PCDH9: variants seen among roughly 807,000 people sequenced by gnomAD.
PCDH9 encodes protocadherin 9, also known as protocadherin-9.
In PCDH9, 24 loss-of-function variants were observed where a neutral mutation model predicts 70.6. The ratio of observed to expected loss-of-function variants is 0.34; its 90% CI spans 0.25 to 0.48. The LOEUF (loss-of-function observed/expected upper bound fraction) is 0.48. Among genes scored for constraint, PCDH9 ranks in the 20% least tolerant of loss-of-function variants. The probability of loss-of-function intolerance (pLI) is 0.99; values close to 1 mark genes in which losing one functional copy is unlikely to be tolerated. For missense variants in PCDH9, 1,281 were observed against 1,503.6 expected, an observed-to-expected ratio of 0.85 and a Z score of 2.45; for synonymous variants, 562 against 558.5, an observed-to-expected ratio of 1.01 and a Z score of -0.09.
intron 4 of PCDH9, among the ~76,000 whole-genome samples, chr13:66,616,041 A>C (rs576547462): frequency 6.6e-6 from 1 of 152,354 alleles, no homozygotes; most frequent in South Asian, 2.1e-4. Flanking sequence ...CTTGACTTAC[A>C]GAGCCGATAG....
intron 4 of PCDH9, among the ~76,000 whole-genome samples, chr13:66,315,155 GTC>G (rs1955629810): frequency 6.6e-6 from 1 of 152,162 alleles, no homozygotes; most frequent in South Asian, 2.1e-4. Flanking sequence ...CACAACAGGT[GTC>G]TCTGTCCTAC....
chr13:66,711,607 G>A lies in PCDH9; in HGVS notation c.3139-80196C>T, dbSNP rs113768983. 7.5e-4 allele frequency among the ~76,000 whole-genome samples: 114 copies of A among 152,190 alleles called. 1 individual carries two copies. Among genetic ancestry groups the A allele is most frequent in the African/African-American group, 2.6e-3 (110 of 41,546 alleles). On this transcript the variant is annotated intron_variant, in intron 3 of 4. Transcript: ENST00000377865. Reference sequence around the variant, plus strand: ...GTTCATGTTTTACACATAAAAGATCGTAAGACCCAAGAGTGGTAGACATTG... The same window carrying A: ...GTTCATGTTTTACACATAAAAGATCATAAGACCCAAGAGTGGTAGACATTG...
intron 2 of PCDH9, among the ~76,000 whole-genome samples, chr13:67,138,675 C>T (rs541299910): frequency 9.9e-5 from 15 of 152,264 alleles, no homozygotes; most frequent in African/African-American, 1.9e-4. Context: ...CTCAGGCCTG[C>T]GCCCGCATTG....
At chr13:66,616,774 G>A (rs541529300) in intron 4 of PCDH9, among the ~76,000 whole-genome samples, 9 of 152,210 alleles carry the variant, frequency 5.9e-5, no homozygotes, top group Admixed American at 1.3e-4. Flanking sequence ...CCAATTATCT[G>A]AGTGTGTCAC....
intron 4 of PCDH9, among the ~76,000 whole-genome samples, chr13:66,478,428 C>T (rs1003881682): frequency 2.0e-4 from 30 of 152,300 alleles, no homozygotes; most frequent in African/African-American, 6.7e-4. Flanking sequence ...TGCTTACTGA[C>T]AAAAGGCATG....
chr13:66,841,120 A>C (rs1430783633), intron 3 of PCDH9, among the ~76,000 whole-genome samples: 1 of 152,234 alleles, frequency 6.6e-6, no homozygotes, highest in African/African-American at 2.4e-5. Context: ...AAATGTGATT[A>C]AATCTAAGCA....
At chr13:67,177,842 A>G (rs2088505853) in intron 2 of PCDH9, among the ~76,000 whole-genome samples, 1 of 152,084 alleles carries the variant, frequency 6.6e-6, no homozygotes, top group African/African-American at 2.4e-5. Context: ...AATTGAGCCC[A>G]GTGCATATAA....
intron 2 of PCDH9, among the ~76,000 whole-genome samples, chr13:66,953,634 C>T (rs2083220328): frequency 6.6e-6 from 1 of 152,178 alleles, no homozygotes; most frequent in Non-Finnish European, 1.5e-5. Flanking sequence ...TGTCCTACCC[C>T]TGCACCCATT....
intron 2 of PCDH9, among the ~76,000 whole-genome samples, chr13:66,906,837 T>A (rs1488676377): frequency 6.6e-6 from 1 of 151,922 alleles, no homozygotes; most frequent in Non-Finnish European, 1.5e-5. Flanking sequence ...CAGGAAAAAA[T>A]TTAATCACTA....
At chr13:66,987,023 TA>T (rs2083905887) in intron 2 of PCDH9, among the ~76,000 whole-genome samples, 1 of 151,954 alleles carries the variant, frequency 6.6e-6, no homozygotes, top group African/African-American at 2.4e-5. Flanking sequence ...ACTAAACTGT[TA>T]ATTGAGACTA....
chr13:66,980,408 TG>T (rs2083719185), intron 2 of PCDH9, among the ~76,000 whole-genome samples: 1 of 152,162 alleles, frequency 6.6e-6, no homozygotes, highest in African/African-American at 2.4e-5. Context: ...CTACCTAAAA[TG>T]GTTTTTCATC....
intron 4 of PCDH9, among the ~76,000 whole-genome samples, chr13:66,336,986 T>A (rs1452256445): frequency 6.6e-6 from 1 of 152,042 alleles, no homozygotes; most frequent in Non-Finnish European, 1.5e-5. Flanking sequence ...GTTAAATAAT[T>A]AGACAATTTT....
At chr13:66,635,135 C>A (rs1225389154) in intron 3 of PCDH9, among the ~76,000 whole-genome samples, 3 of 152,130 alleles carry the variant, frequency 2.0e-5, no homozygotes, top group African/African-American at 7.2e-5. Context: ...TGAAGAGGGA[C>A]AACACATATT....
chr13:66,982,931 T>G (rs953310276), intron 2 of PCDH9, among the ~76,000 whole-genome samples: 1 of 152,184 alleles, frequency 6.6e-6, no homozygotes, highest in African/African-American at 2.4e-5. Context: ...CATTAGGCCT[T>G]TAAATTTGAA....
intron 3 of PCDH9, among the ~76,000 whole-genome samples, chr13:66,682,139 T>C (rs1243388071): frequency 2.0e-5 from 3 of 151,892 alleles, no homozygotes; most frequent in Non-Finnish European, 2.9e-5. Context: ...TTTCTCATTA[T>C]CTCACTATTG....
intron 2 of PCDH9, among the ~76,000 whole-genome samples, chr13:67,117,973 A>G (rs1464948632): frequency 6.6e-6 from 1 of 152,150 alleles, no homozygotes; most frequent in East Asian, 1.9e-4. Flanking sequence ...TAAAATTTTC[A>G]AAACAGTGTA....
At chr13:66,864,158 G>A (rs986200523) in intron 3 of PCDH9, among the ~76,000 whole-genome samples, 2 of 152,114 alleles carry the variant, frequency 1.3e-5, no homozygotes, top group Non-Finnish European at 2.9e-5. Flanking sequence ...GATGAGATCT[G>A]GGTGGGGACA....
intron 4 of PCDH9, among the ~76,000 whole-genome samples, chr13:66,600,842 G>A (rs1197140139): frequency 2.8e-5 from 4 of 142,326 alleles, no homozygotes; most frequent in African/African-American, 1.0e-4. Flanking sequence ...TTTTCCCCTA[G>A]ATTTATGCAT....
chr13:66,718,946 T>G (rs1941463898), intron 3 of PCDH9, among the ~76,000 whole-genome samples: 1 of 152,208 alleles, frequency 6.6e-6, no homozygotes, highest in Non-Finnish European at 1.5e-5. Flanking sequence ...AGACATGAAC[T>G]AAGACAAACT....
Sources: allele counts gnomAD v4.1 joint callset (sites outside exome capture counted in the v4.1 genomes callset), GRCh38; gene constraint gnomAD v4.1.1; transcripts MANE v1.5; gene names NCBI Gene and HGNC (gene_info 2026-07-23, HGNC 2026-07-21).